ULK2: variants seen among roughly 807,000 people sequenced by gnomAD.
ULK2 encodes unc-51 like autophagy activating kinase 2, also known as serine/threonine-protein kinase ULK2.
Under a neutral mutation model 127.5 loss-of-function variants are expected in ULK2, and 76 were observed. The observed-to-expected ratio is 0.60, with a 90% CI of 0.50 to 0.72. ULK2 has a LOEUF of 0.72. ULK2 is among the 30% of genes least tolerant of loss of function. The probability of loss-of-function intolerance (pLI) is 0.00; values close to 1 mark genes in which losing one functional copy is unlikely to be tolerated. For synonymous variants in ULK2, 452 were observed against 461.9 expected, an observed-to-expected ratio of 0.98 and a Z score of 0.28; for missense variants, 1,144 against 1,295.9, an observed-to-expected ratio of 0.88 and a Z score of 1.80.
At chr17:19,847,687 C>G (rs1373291222) in intron 5 of ULK2, among the ~76,000 whole-genome samples, 1 of 152,128 alleles carries the variant, frequency 6.6e-6, no homozygotes, top group Admixed American at 6.6e-5. Flanking sequence ...GTAGCTGGGA[C>G]TACAGGCATG....
At position 19,795,642 on chromosome 17, in the gene ULK2, G is replaced by A. The variant is rs775097019; in HGVS notation, c.2081C>T (p.Thr694Ile). The A allele has an allele frequency of 6.2e-7, 1 of 1,614,030 alleles. No homozygotes were observed. Among genetic ancestry groups the A allele is most frequent in the Admixed American group, 1.7e-5 (1 of 60,022 alleles). Residue 694 changes from threonine to isoleucine, a missense_variant, in exon 20 of 27, where the codon ACA becomes ATA. Physicochemically the swap from Thr to Ile is moderately conservative, Grantham distance 89. Coordinates refer to ENST00000395544, the MANE Select transcript of ULK2 (RefSeq NM_014683.4). The stretch of plus-strand genomic sequence containing the variant: ...CTTACCTATATCCATTGGTCGTTCT[G>A]TATTTAAACTGTCTGTGCTGCCCTG... ...RHQGSTDSLNTERPMDIAPAG... is the reference protein window; with the variant it reads ...RHQGSTDSLNIERPMDIAPAG...
At position 19,826,210 on chromosome 17, in the gene ULK2, A is replaced by G. The variant is rs1423357739; in HGVS notation, c.788-24T>C. ...TTCTGTAACAAGAAATGAGAATGCA[A>G]CCTTTAAAGAGACATTGACTAAACT... On this transcript the variant is annotated intron_variant, in intron 10 of 26. Transcript: ENST00000395544. The G allele has an allele frequency of 4.3e-6, 6 of 1,379,966 alleles. No individual in the cohort carries two copies. The African/African-American group carries it at 5.8e-5, about 13-fold the overall frequency. The allele number at this position is 1,379,966 out of a possible 1,614,324, so 85.5% of individuals were successfully genotyped here.
intron 8 of ULK2, among the ~76,000 whole-genome samples, chr17:19,842,460 G>C (rs939169877): frequency 5.9e-5 from 9 of 151,972 alleles, no homozygotes; most frequent in African/African-American, 2.2e-4. Flanking sequence ...GCCTCCCAAA[G>C]TGCTGGGATT....
intron 3 of ULK2, among the ~76,000 whole-genome samples, chr17:19,863,504 T>G (rs1180897626): frequency 2.0e-5 from 3 of 151,124 alleles, no homozygotes; most frequent in South Asian, 2.1e-4. Flanking sequence ...TAGTTTTTTT[T>G]TTTTTTTTTT....
At chr17:19,832,512 T>A (rs887791392) in intron 10 of ULK2, among the ~76,000 whole-genome samples, 2 of 152,082 alleles carry the variant, frequency 1.3e-5, no homozygotes, top group Admixed American at 6.6e-5. Context: ...GATCTGCCCA[T>A]CTCGGCCTCC....
chr17:19,850,896 G>A (rs760692748), intron 3 of ULK2, among the ~76,000 whole-genome samples: 11 of 151,924 alleles, frequency 7.2e-5, no homozygotes, highest in Non-Finnish European at 1.5e-4. Context: ...TATAGCTTTT[G>A]GGCTGGGCCC....
At chr17:19,834,041 A>G (rs2041530697) in intron 10 of ULK2, among the ~76,000 whole-genome samples, 1 of 152,166 alleles carries the variant, frequency 6.6e-6, no homozygotes, top group Non-Finnish European at 1.5e-5. Flanking sequence ...AATCAAAGAC[A>G]GAGAAAAATC....
At chr17:19,816,684 T>TA (rs1024091800) in intron 13 of ULK2, 65 bp downstream of exon 13, 313 of 1,409,078 alleles carry the variant, frequency 2.2e-4, no homozygotes, top group African/African-American at 1.9e-3. Context: ...ATATATGGGT[T>TA]AAAAAAAAGA....
chr17:19,798,754 T>C (rs1216398747), intron 17 of ULK2, among the ~76,000 whole-genome samples: 1 of 152,244 alleles, frequency 6.6e-6, no homozygotes, highest in Non-Finnish European at 1.5e-5. Flanking sequence ...ATTTAACTTA[T>C]AAAGTGTCTT....
chr17:19,862,676 G>C (rs1254566798), intron 3 of ULK2, among the ~76,000 whole-genome samples: 2 of 151,952 alleles, frequency 1.3e-5, no homozygotes, highest in Non-Finnish European at 2.9e-5. Context: ...ATGTTGGTTA[G>C]GCTGGTCTCG....
intron 14 of ULK2, among the ~76,000 whole-genome samples, chr17:19,806,679 A>G (rs563895876): frequency 2.6e-5 from 4 of 152,182 alleles, no homozygotes; most frequent in Non-Finnish European, 5.9e-5. Context: ...ATTAACACCA[A>G]TATTTAACCA....
At chr17:19,819,938 C>T (rs1216681607) in intron 12 of ULK2, among the ~76,000 whole-genome samples, 2 of 152,132 alleles carry the variant, frequency 1.3e-5, no homozygotes, top group East Asian at 3.9e-4. Flanking sequence ...TCTGTATTTC[C>T]TCTCTCACTC....
chr17:19,795,496 C>T (rs1455793774), intron 20 of ULK2, 126 bp downstream of exon 20: 19 of 806,640 alleles, frequency 2.4e-5, no homozygotes, highest in Non-Finnish European at 3.5e-5. Context: ...GCATCCAGAA[C>T]TATGAAATAA....
intron 14 of ULK2, among the ~76,000 whole-genome samples, chr17:19,806,941 T>C (rs901412075): frequency 1.8e-4 from 27 of 152,208 alleles, no homozygotes; most frequent in African/African-American, 5.8e-4. Flanking sequence ...GACTAGGTGA[T>C]AGCATGACAA....
intron 18 of ULK2, among the ~76,000 whole-genome samples, chr17:19,797,083 C>T (rs1338017798): frequency 6.6e-6 from 1 of 152,032 alleles, no homozygotes. Context: ...CACTTGAGGC[C>T]AGGAGTTAAA....
chr17:19,859,376 A>C lies in ULK2; in HGVS notation c.225+5427T>G, dbSNP rs143787236. On this transcript the variant is annotated intron_variant, in intron 3 of 26. Transcript: ENST00000395544. ...TAAAAATACAAAAACAAAATTATCC[A>C]GGCGTGGTGGCAGGCACCTGTAATC... Among the ~76,000 whole-genome samples, 151 of 151,944 alleles carry C rather than the reference A, an allele frequency of 9.9e-4. 3 individuals are homozygous for C. The East Asian group carries it at 0.029, about 29-fold the overall frequency.
At chr17:19,810,512 A>G in intron 13 of ULK2, 74 bp from the exon 14 acceptor site, 1 of 916,932 alleles carries the variant, frequency 1.1e-6, no homozygotes, top group Non-Finnish European at 1.7e-6. Context: ...TTCCAAAATG[A>G]TTATTAGGAT....
intron 25 of ULK2, 57 bp downstream of exon 25, chr17:19,780,415 A>G (rs2086894173): frequency 6.9e-7 from 1 of 1,444,092 alleles, no homozygotes; most frequent in South Asian, 1.5e-5. Flanking sequence ...ATATTCAATT[A>G]AAAAGACACT....
chr17:19,848,990 C>T (rs2041956804), intron 5 of ULK2, among the ~76,000 whole-genome samples: 1 of 151,812 alleles, frequency 6.6e-6, no homozygotes, highest in Admixed American at 6.6e-5. Context: ...CACATAAATA[C>T]CTTCTTGGAT....
Sources: allele counts gnomAD v4.1 joint callset (sites outside exome capture counted in the v4.1 genomes callset), GRCh38; gene constraint gnomAD v4.1.1; transcripts MANE v1.5; gene names NCBI Gene and HGNC (gene_info 2026-07-23, HGNC 2026-07-21).